IL20RB: variants seen among roughly 807,000 people sequenced by gnomAD.
The protein encoded by IL20RB is interleukin 20 receptor subunit beta.
In IL20RB, 21 loss-of-function variants were observed where a neutral mutation model predicts 33.3. The observed-to-expected ratio is 0.63, with a 90% CI of 0.45 to 0.91. The LOEUF is 0.91. Among genes scored for constraint, IL20RB ranks in the 40% least tolerant of loss-of-function variants. The pLI, the probability that IL20RB is intolerant of heterozygous loss-of-function variation, is 0.00. For missense variants in IL20RB, 345 were observed against 384.8 expected (o/e 0.90, Z 0.86); for synonymous variants, 147 against 146.8 (o/e 1.00, Z -0.01).
intron 6 of IL20RB, among the ~76,000 whole-genome samples, chr3:137,001,861 T>A (rs1313653895): frequency 6.6e-6 from 1 of 152,128 alleles, no homozygotes; most frequent in Non-Finnish European, 1.5e-5. Context: ...TGTGCCATGG[T>A]GGTTTGCTGC....
At chr3:137,002,866 T>A (rs544874941) in intron 6 of IL20RB, among the ~76,000 whole-genome samples, 126 of 152,332 alleles carry the variant, frequency 8.3e-4, no homozygotes, top group Admixed American at 9.8e-4. Context: ...CTGAATGGTA[T>A]TGCCTAGGTT....
chr3:136,970,310 G>T (rs1220464820), intron 1 of IL20RB, among the ~76,000 whole-genome samples: 1 of 151,982 alleles, frequency 6.6e-6, no homozygotes, highest in East Asian at 1.9e-4. Context: ...GCCCAGGCTG[G>T]TCTCGAACTC....
intron 3 of IL20RB, among the ~76,000 whole-genome samples, chr3:136,984,872 C>T (rs1304957233): frequency 6.6e-6 from 1 of 152,062 alleles, no homozygotes; most frequent in African/African-American, 2.4e-5. Flanking sequence ...ATTAAGGGGC[C>T]CTGTAGGGCA....
At chr3:136,998,048 GTGTGAGCCAC>G (rs1435349584) in intron 6 of IL20RB, among the ~76,000 whole-genome samples, 1 of 151,800 alleles carries the variant, frequency 6.6e-6, no homozygotes, top group East Asian at 1.9e-4. Flanking sequence ...GGGATAACAG[GTGTGAGCCAC>G]TGTGCCTGGC....
chr3:136,999,329 C>A (rs1289717585), intron 6 of IL20RB, among the ~76,000 whole-genome samples: 1 of 152,030 alleles, frequency 6.6e-6, no homozygotes, highest in Admixed American at 6.6e-5. Context: ...ACTCCTGGCT[C>A]AAGCAATCCT....
chr3:137,002,608 T>A (rs1942268271), intron 6 of IL20RB, among the ~76,000 whole-genome samples: 1 of 152,150 alleles, frequency 6.6e-6, no homozygotes, highest in African/African-American at 2.4e-5. Flanking sequence ...CTTTGCCCAC[T>A]TTTTGATGGT....
At chr3:136,991,680 A>G (rs1942034901) in intron 4 of IL20RB, among the ~76,000 whole-genome samples, 2 of 152,086 alleles carry the variant, frequency 1.3e-5, no homozygotes, top group African/African-American at 4.8e-5. Context: ...ACGATCTCGG[A>G]TCACTGCAAC....
intron 1 of IL20RB, among the ~76,000 whole-genome samples, chr3:136,972,438 G>T (rs1348488824): frequency 2.6e-5 from 4 of 151,976 alleles, no homozygotes; most frequent in Non-Finnish European, 5.9e-5. Flanking sequence ...TCTAATCCTG[G>T]GCTTTTCTTT....
chr3:136,973,813 G>A (rs1941550095), intron 1 of IL20RB, among the ~76,000 whole-genome samples: 1 of 152,044 alleles, frequency 6.6e-6, no homozygotes, highest in African/African-American at 2.4e-5. Context: ...TCACTATATA[G>A]TAACCTTCTT....
intron 1 of IL20RB, among the ~76,000 whole-genome samples, chr3:136,970,946 CT>C (rs1941465697): frequency 6.6e-6 from 1 of 152,054 alleles, no homozygotes; most frequent in Non-Finnish European, 1.5e-5. Context: ...GACGCTGTGC[CT>C]GGCCTTATTT....
intron 1 of IL20RB, among the ~76,000 whole-genome samples, chr3:136,974,693 A>G (rs1208016391): frequency 6.6e-6 from 1 of 152,218 alleles, no homozygotes; most frequent in Non-Finnish European, 1.5e-5. Context: ...TTAACATATT[A>G]TTTGGTTAAA....
chr3:136,986,813 G>A lies in IL20RB; in HGVS notation c.407-2628G>A, dbSNP rs1007030863. The stretch of plus-strand genomic sequence containing the variant: ...AGTGTTACAGCTCTTAAGGTGGCGC[G>A]TCTGGAGTCTGTCCCTTCTGATGTT... On this transcript the variant is annotated intron_variant, in intron 3 of 6. Transcript: ENST00000329582. 13 of 452,736 alleles carry A rather than the reference G, an allele frequency of 2.9e-5. 1 individual carries two copies. The highest frequency in any genetic ancestry group is 1.7e-4 in the South Asian group (11 of 64,190). The allele number at this position is 452,736 out of a possible 1,614,324, so 28.0% of individuals were successfully genotyped here.
chr3:136,971,546 A>G (rs530627242), intron 1 of IL20RB, among the ~76,000 whole-genome samples: 2 of 152,316 alleles, frequency 1.3e-5, no homozygotes, highest in South Asian at 4.1e-4. Context: ...CTACCTCTGT[A>G]TGATAAAATC....
intron 3 of IL20RB, among the ~76,000 whole-genome samples, chr3:136,986,080 C>T (rs191284233): frequency 1.4e-4 from 22 of 152,082 alleles, no homozygotes; most frequent in African/African-American, 5.3e-4. Context: ...ACAGTGAAAC[C>T]CCGTCGCCTG....
intron 6 of IL20RB, among the ~76,000 whole-genome samples, chr3:137,000,660 A>G (rs888351758): frequency 4.6e-5 from 7 of 152,232 alleles, no homozygotes; most frequent in African/African-American, 1.7e-4. Context: ...CTGCAATAAA[A>G]GAGGAATCCC....
In IL20RB at chr3:137,007,377, G is replaced by T. The variant is rs58079307; in HGVS notation, c.826-2736G>T. Among the ~76,000 whole-genome samples, 1,473 of 152,304 alleles carry T rather than the reference G, an allele frequency of 9.7e-3. 34 individuals carry two copies. The highest frequency in any genetic ancestry group is 0.034 in the African/African-American group (1,408 of 41,552). On this transcript the variant is annotated intron_variant, in intron 6 of 6. Transcript: ENST00000329582. ...GAAGTTGTCTGCTGCCTTTTGTTCA[G>T]CTATGCCCTGTCCATAGAGGTGGAG...
Position 137,010,380 on chromosome 3 carries a change from G to T in IL20RB, c.*157G>T. 1.7e-6 allele frequency: 1 copy of T among 578,398 alleles called. No homozygotes were observed. The highest frequency in any genetic ancestry group is 3.2e-6 in the Non-Finnish European group (1 of 316,848). The allele number at this position is 578,398 out of a possible 1,614,324, so 35.8% of individuals were successfully genotyped here. A position where few individuals can be genotyped will look rare whatever the true frequency, so the allele number is the denominator to read the frequency against. On this transcript the variant is annotated 3_prime_UTR_variant, in exon 7 of 7. Coordinates refer to ENST00000329582, the MANE Select transcript of IL20RB (RefSeq NM_144717.4). Reference sequence around the variant, plus strand: ...AGTCTAGAAGCAACCATCAGAGGCAGGGTGGTTTGTCTAACAGAACACTGA... The same window carrying T: ...AGTCTAGAAGCAACCATCAGAGGCATGGTGGTTTGTCTAACAGAACACTGA...
chr3:136,977,931 A>G (rs1299446246), intron 1 of IL20RB, among the ~76,000 whole-genome samples: 3 of 152,052 alleles, frequency 2.0e-5, no homozygotes, highest in African/African-American at 7.2e-5. Context: ...TTTATAATCT[A>G]TATTTCTTTT....
intron 3 of IL20RB, 70 bp downstream of exon 3, chr3:136,982,420 T>C (rs1941799674): frequency 2.6e-6 from 3 of 1,139,764 alleles, no homozygotes; most frequent in Non-Finnish European, 3.7e-6. Context: ...TCACCTAAAC[T>C]TTCTAGACTC....
Sources: allele counts gnomAD v4.1 joint callset (sites outside exome capture counted in the v4.1 genomes callset), GRCh38; gene constraint gnomAD v4.1.1; transcripts MANE v1.5; gene names NCBI Gene and HGNC (gene_info 2026-07-23, HGNC 2026-07-21).